PDE4DIP: variants seen among roughly 807,000 people sequenced by gnomAD.
PDE4DIP encodes the protein myomegalin.
PDE4DIP carries 59 observed loss-of-function variants against 221.4 expected under a neutral mutation model. The observed-to-expected ratio is 0.27, with a 90% CI of 0.22 to 0.33. The LOEUF is 0.33. Ranked by LOEUF, PDE4DIP falls within the 10% of genes least tolerant of loss-of-function variation. The pLI is 1.00. For missense variants in PDE4DIP, 1,036 were observed against 2,154.2 expected (o/e 0.48, Z 10.28); for synonymous variants, 404 against 815.9 (o/e 0.50, Z 8.60).
At chr1:148,915,210 C>T (rs1382186317) in intron 1 of PDE4DIP, among the ~76,000 whole-genome samples, 2 of 152,086 alleles carry the variant, frequency 1.3e-5, no homozygotes, top group South Asian at 2.1e-4. Flanking sequence ...TGCAGTGGTG[C>T]AATCTCGGCT....
chr1:148,982,357 G>A (rs1410949635), intron 21 of PDE4DIP: 1 of 152,090 alleles, frequency 6.6e-6, no homozygotes, highest in Non-Finnish European at 1.5e-5. Context: ...TCTTTCATTT[G>A]TGGCACTAGA....
At chr1:148,929,461 G>A (rs1190560643) in intron 2 of PDE4DIP, 188 bp downstream of exon 5, 2 of 765,114 alleles carry the variant, frequency 2.6e-6, no homozygotes, top group Non-Finnish European at 4.0e-6. Context: ...TAGGTCAGAT[G>A]GACCTTGTCA....
chr1:148,821,086 C>G (rs1306370255), intron 1 of PDE4DIP, among the ~76,000 whole-genome samples: 1 of 149,608 alleles, frequency 6.7e-6, no homozygotes, highest in Non-Finnish European at 1.5e-5. Context: ...CTCCTGACCT[C>G]GTGATCCGCC....
At chr1:148,857,830 G>A (rs1553396566) in intron 1 of PDE4DIP, among the ~76,000 whole-genome samples, 5,670 of 66,928 alleles carry the variant, frequency 0.085, 13 homozygotes, top group Non-Finnish European at 0.12. Context: ...TTGAGGAGGG[G>A]GAAAGGTAAA....
intron 40 of PDE4DIP, among the ~76,000 whole-genome samples, 172 bp from the exon 44 acceptor site, chr1:149,028,388 G>A (rs1232500290): frequency 1.3e-3 from 191 of 150,746 alleles, no homozygotes; most frequent in Non-Finnish European, 5.7e-4. Context: ...GTGGAGGAAG[G>A]CATTCCTGGT....
chr1:148,982,656 G>A (rs2312707), intron 21 of PDE4DIP: 3 of 152,130 alleles, frequency 2.0e-5, no homozygotes. Flanking sequence ...TCCTCTGGTT[G>A]GAAGTTTCCT....
chr1:148,963,959 C>T (rs1195435459), intron 9 of PDE4DIP, among the ~76,000 whole-genome samples: 3 of 151,212 alleles, frequency 2.0e-5, no homozygotes, highest in Admixed American at 6.6e-5. Context: ...AGGGTTTCAT[C>T]GTGTTAGCCA....
chr1:148,954,347 C>T (rs1304361679), intron 5 of PDE4DIP, among the ~76,000 whole-genome samples: 1 of 151,680 alleles, frequency 6.6e-6, no homozygotes, highest in Non-Finnish European at 1.5e-5. Context: ...TTAGTTCTTC[C>T]TGGAGCATTA....
chr1:148,988,177 C>T (rs2062254980), intron 21 of PDE4DIP, among the ~76,000 whole-genome samples: 3 of 152,204 alleles, frequency 2.0e-5, no homozygotes, highest in East Asian at 1.9e-4. Context: ...CAGATAGTAA[C>T]ATCAAGTATA....
At chr1:149,025,480 G>A (rs587651635) in intron 38 of PDE4DIP, among the ~76,000 whole-genome samples, 5 of 152,228 alleles carry the variant, frequency 3.3e-5, no homozygotes, top group Admixed American at 3.3e-4. Context: ...TTTTCAGATA[G>A]GCGTGTTTGA....
chr1:148,893,053 ATATGTGTGTGTC>A (rs1699243002), intron 1 of PDE4DIP, among the ~76,000 whole-genome samples: 3 of 91,448 alleles, frequency 3.3e-5, no homozygotes, highest in Admixed American at 1.2e-4. Context: ...ATTTATATAT[ATATGTGTGTGTC>A]TGTGTGTGTG....
chr1:148,967,254 AC>A (rs1406905796), intron 12 of PDE4DIP, among the ~76,000 whole-genome samples: 2 of 152,060 alleles, frequency 1.3e-5, no homozygotes, highest in Admixed American at 6.6e-5. Flanking sequence ...TCTTGTTCAT[AC>A]ATAAGTATAC....
chr1:148,928,117 CT>C (rs1473225909), intron 1 of PDE4DIP, among the ~76,000 whole-genome samples: 1 of 80,710 alleles, frequency 1.2e-5, no homozygotes, highest in African/African-American at 5.1e-5. Context: ...CATGCCAATA[CT>C]TTGCTTAAAG....
intron 1 of PDE4DIP, among the ~76,000 whole-genome samples, chr1:148,898,939 C>A (rs2040043069): frequency 9.1e-6 from 1 of 110,016 alleles, no homozygotes; most frequent in African/African-American, 4.0e-5. Context: ...TCAAGCGATT[C>A]TCCTGCCTTA....
rs587746007 is a variant in PDE4DIP, at chr1:148,980,178, TC to T, written c.2687+331del. 1.3e-3 allele frequency among the ~76,000 whole-genome samples: 197 copies of T among 152,358 alleles called. 1 individual carries two copies. The highest frequency in any genetic ancestry group is 4.5e-3 in the African/African-American group (187 of 41,582). ...GTTCATTTCTTTTCTGTGATCCATG[TC>T]CTGTTAAAGGCTGTTCTATTATAAA... On this transcript the variant is annotated intron_variant, in intron 20 of 43. Coordinates refer to ENST00000369354, the Ensembl canonical transcript of PDE4DIP.
chr1:148,978,377 T>A (rs1553539577), exon 19 of PDE4DIP: 7 of 1,610,448 alleles, frequency 4.3e-6, no homozygotes, highest in Non-Finnish European at 5.9e-6. Flanking sequence ...TTCAGTAGAA[T>A]CCCAGGGTCA....
At chr1:148,979,572 A>G (rs1257787459) in intron 19 of PDE4DIP, among the ~76,000 whole-genome samples, 165 bp from the exon 23 acceptor site, 1 of 152,224 alleles carries the variant, frequency 6.6e-6, no homozygotes, top group Non-Finnish European at 1.5e-5. Flanking sequence ...AAGATAAAAA[A>G]AAGATAATAT....
chr1:149,013,915 G>A (rs1343222557), intron 32 of PDE4DIP, among the ~76,000 whole-genome samples: 47 of 150,386 alleles, frequency 3.1e-4, no homozygotes, highest in Non-Finnish European at 5.0e-4. Context: ...AGCCCCCCAA[G>A]TAGCTGGGAT....
chr1:149,027,987 GC>G (rs587771027), intron 40 of PDE4DIP, among the ~76,000 whole-genome samples: 165 of 80,248 alleles, frequency 2.1e-3, no homozygotes, highest in Non-Finnish European at 3.2e-3. Flanking sequence ...CAGGTGTATG[GC>G]CCCCACATGT....
Sources: gnomAD v4.1 joint callset for allele counts (sites outside exome capture counted in the v4.1 genomes callset) on GRCh38, gnomAD v4.1.1 for gene constraint, MANE v1.5 for transcripts, NCBI Gene and HGNC (gene_info 2026-07-23, HGNC 2026-07-21) for gene names.